Variants in ATAD2B observed in about 807,000 individuals in gnomAD.
The protein encoded by ATAD2B is ATPase family AAA domain-containing protein 2B.
In ATAD2B, 40 loss-of-function variants were observed where a neutral mutation model predicts 167.6. The observed-to-expected ratio is 0.24, with a 90% CI of 0.19 to 0.31. The LOEUF is 0.31. Among genes scored for constraint, ATAD2B ranks in the 10% least tolerant of loss-of-function variants. ATAD2B has a pLI of 1.00. For missense variants in ATAD2B, 1,242 were observed against 1,757.2 expected (o/e 0.71, Z 5.24); for synonymous variants, 579 against 596.5 (o/e 0.97, Z 0.43).
chr2:23,886,147 T>C (rs896600114), intron 4 of ATAD2B, among the ~76,000 whole-genome samples: 3 of 152,068 alleles, frequency 2.0e-5, no homozygotes, highest in African/African-American at 4.8e-5. Context: ...GGTTTCACCA[T>C]GTTGCCCAGG....
In ATAD2B at chr2:23,890,796, G is replaced by C. The variant is rs1163318374; in HGVS notation, c.369-2397C>G. 2.0e-5 allele frequency among the ~76,000 whole-genome samples: 3 copies of C among 152,076 alleles called. No homozygotes were observed. The East Asian group carries it at 5.8e-4, about 29-fold the overall frequency. Reference sequence around the variant, plus strand: ...AATGGTAACATCATTGGGGAAAAAAGCACAATAAGCTTTTTGTCTGCTCTA... The same window carrying C: ...AATGGTAACATCATTGGGGAAAAAACCACAATAAGCTTTTTGTCTGCTCTA... On this transcript the variant is annotated intron_variant, in intron 2 of 27. Transcript: ENST00000238789.
intron 13 of ATAD2B, 74 bp from the exon 14 acceptor site, chr2:23,834,152 C>CA: frequency 8.5e-6 from 1 of 117,898 alleles, no homozygotes. Flanking sequence ...ATCAGTCTTT[C>CA]TTTTTTTTTT....
intron 13 of ATAD2B, among the ~76,000 whole-genome samples, chr2:23,851,735 C>A (rs1166528317): frequency 6.6e-6 from 1 of 152,006 alleles, no homozygotes; most frequent in Non-Finnish European, 1.5e-5. Context: ...ATTTTCACTG[C>A]CCTAAAAAAT....
intron 23 of ATAD2B, 45 bp downstream of exon 23, chr2:23,765,461 C>CAG (rs1275086624): frequency 1.9e-6 from 3 of 1,542,590 alleles, no homozygotes; most frequent in Non-Finnish European, 2.6e-6. Context: ...TTGGCCTGAA[C>CAG]AGAGCACACT....
intron 18 of ATAD2B, among the ~76,000 whole-genome samples, chr2:23,807,930 AT>A (rs1684757831): frequency 7.7e-6 from 1 of 130,344 alleles, no homozygotes; most frequent in Non-Finnish European, 1.6e-5. Context: ...AAATATATTT[AT>A]AATATATATA....
At chr2:23,738,253 T>G in the ATAD2B span, among the ~76,000 whole-genome samples, 1 of 152,170 alleles carries the variant, frequency 6.6e-6, no homozygotes, top group African/African-American at 2.4e-5. Flanking sequence ...ATTGTCAGAT[T>G]CACCAAAGTT....
the ATAD2B span, among the ~76,000 whole-genome samples, chr2:23,709,203 G>A: frequency 7.9e-5 from 12 of 152,102 alleles, no homozygotes; most frequent in South Asian, 8.3e-4. Flanking sequence ...CACCACACCC[G>A]GCTAATTTTG....
chr2:23,848,493 T>C (rs1244663691), intron 13 of ATAD2B, among the ~76,000 whole-genome samples: 2 of 151,994 alleles, frequency 1.3e-5, no homozygotes, highest in African/African-American at 4.8e-5. Context: ...AAATAAAAAA[T>C]GTATGACAAT....
chr2:23,911,227 A>G (rs1702257286), intron 1 of ATAD2B, among the ~76,000 whole-genome samples: 1 of 151,686 alleles, frequency 6.6e-6, no homozygotes, highest in Non-Finnish European at 1.5e-5. Context: ...GTCTGGAAAA[A>G]AAAAAAAAGA....
chr2:23,808,118 T>G (rs1294105947), intron 18 of ATAD2B, among the ~76,000 whole-genome samples: 1 of 118,430 alleles, frequency 8.4e-6, no homozygotes, highest in Non-Finnish European at 1.7e-5. Context: ...ATTATATATA[T>G]AATTATTATA....
chr2:23,921,481 T>C (rs78012058), intron 1 of ATAD2B, among the ~76,000 whole-genome samples: 3,856 of 152,284 alleles, frequency 0.025, 168 homozygotes, highest in African/African-American at 0.088. Flanking sequence ...TGAGTTTACC[T>C]ATAATTAGGT....
the ATAD2B span, among the ~76,000 whole-genome samples, chr2:23,688,044 C>T: frequency 6.6e-6 from 1 of 152,288 alleles, no homozygotes; most frequent in African/African-American, 2.4e-5. Flanking sequence ...ACCCTTCACC[C>T]TCTTCCCTGA....
chr2:23,819,138 T>C (rs182426788), intron 17 of ATAD2B, among the ~76,000 whole-genome samples: 150 of 152,248 alleles, frequency 9.9e-4, no homozygotes, highest in African/African-American at 3.5e-3. Context: ...GCTCATGAGT[T>C]GACTTTCTAA....
At chr2:23,737,236 G>A in the ATAD2B span, among the ~76,000 whole-genome samples, 4 of 152,192 alleles carry the variant, frequency 2.6e-5, no homozygotes, top group South Asian at 2.1e-4. Flanking sequence ...ATCTGAGAAC[G>A]GGCAGACTGC....
rs182188509 is a variant in ATAD2B, at chr2:23,905,790, A to G, written c.217-9820T>C. Among the ~76,000 whole-genome samples, 4 of 152,326 alleles carry G rather than the reference A, an allele frequency of 2.6e-5. No homozygotes were observed. The East Asian group carries it at 7.7e-4, about 29-fold the overall frequency. ...TTACTTTCAATAATTCATTCCTTCC[A>G]CAAACAAAATTTATTAAGTGCCTGT... On this transcript the variant is annotated intron_variant, in intron 1 of 27. Coordinates refer to ENST00000238789, the MANE Select transcript of ATAD2B (RefSeq NM_017552.4).
At chr2:23,813,100 T>A (rs1327615178) in intron 17 of ATAD2B, among the ~76,000 whole-genome samples, 1 of 152,006 alleles carries the variant, frequency 6.6e-6, no homozygotes, top group African/African-American at 2.4e-5. Context: ...TATGTTAAGA[T>A]GTGTCCTACT....
chr2:23,752,019 G>C lies in ATAD2B; in HGVS notation c.*27C>G, dbSNP rs765855830. 9.1e-6 allele frequency: 14 copies of C among 1,530,834 alleles called. No homozygotes were observed. The highest frequency in any genetic ancestry group is 7.7e-5 in the Admixed American group (4 of 51,872). The allele number at this position is 1,530,834 out of a possible 1,614,324, so 94.8% of individuals were successfully genotyped here. A position where few individuals can be genotyped will look rare whatever the true frequency, so the allele number is the denominator to read the frequency against. ...ACTGCTCTGTGAGGAGCAGATTGGA[G>C]AGGATAAACCACTCATCTTGAAAAG... is the stretch of plus-strand genomic sequence containing the variant. On this transcript the variant is annotated 3_prime_UTR_variant, in exon 28 of 28. Coordinates refer to ENST00000238789, the MANE Select transcript of ATAD2B (RefSeq NM_017552.4).
At chr2:23,889,072 CTAAGA>C (rs1487175296) in intron 2 of ATAD2B, among the ~76,000 whole-genome samples, 1 of 152,126 alleles carries the variant, frequency 6.6e-6, no homozygotes, top group Non-Finnish European at 1.5e-5. Flanking sequence ...TCAATGCAAA[CTAAGA>C]TATTTTTGAA....
At chr2:23,861,655 G>A (rs1219667291) in intron 12 of ATAD2B, among the ~76,000 whole-genome samples, 1 of 151,862 alleles carries the variant, frequency 6.6e-6, no homozygotes, top group South Asian at 2.1e-4. Flanking sequence ...CCTAGCCCAA[G>A]TATGAAATGG....
Sources: gnomAD v4.1 joint callset for allele counts (sites outside exome capture counted in the v4.1 genomes callset) on GRCh38, gnomAD v4.1.1 for gene constraint, MANE v1.5 for transcripts, NCBI Gene and HGNC (gene_info 2026-07-23, HGNC 2026-07-21) for gene names.